TOX2: variants seen among roughly 807,000 people sequenced by gnomAD.
TOX2 encodes granulosa cell HMG box 1.
Under a neutral mutation model 47.4 loss-of-function variants are expected in TOX2, and 15 were observed. The ratio of observed to expected loss-of-function variants is 0.32; its 90% confidence interval spans 0.21 to 0.49. The LOEUF (loss-of-function observed/expected upper bound fraction) is 0.49. TOX2 is among the 20% of genes least tolerant of loss of function. The pLI is 0.99. For synonymous variants in TOX2, 290 were observed against 296.6 expected (o/e 0.98, Z 0.23); for missense variants, 622 against 673.1 (o/e 0.92, Z 0.84).
chr20:43,916,051 T>C lies in TOX2; in HGVS notation c.99+1061T>C, dbSNP rs568841343. 13 of 915,150 alleles carry C rather than the reference T, an allele frequency of 1.4e-5. No individual in the cohort carries two copies. Among genetic ancestry groups the C allele is most frequent in the Middle Eastern group, 1.1e-3 (2 of 1,764 alleles). 56.7% of individuals were successfully genotyped at this position (915,150 alleles called of 1,614,324 possible). ...CGGAGAGGGAACTTTCAAACTTAGT[T>C]AGGAAGCCAGACTGTCCGCGCGTCC... is the stretch of plus-strand genomic sequence containing the variant. On this transcript the variant is annotated intron_variant, in intron 1 of 8. Coordinates refer to ENST00000341197, the MANE Select transcript of TOX2 (RefSeq NM_001098797.2). The surrounding 1 kb of genome is among the most constrained non-coding windows in gnomAD (Gnocchi z 5.0).
intron 5 of TOX2, among the ~76,000 whole-genome samples, chr20:44,057,558 C>CA (rs1260658489): frequency 1.3e-5 from 2 of 151,472 alleles, no homozygotes; most frequent in East Asian, 3.9e-4. Context: ...AAAGTTCTTT[C>CA]AAATCATCAA....
chr20:43,930,866 C>T (rs1226493707), intron 1 of TOX2, among the ~76,000 whole-genome samples: 1 of 152,192 alleles, frequency 6.6e-6, no homozygotes, highest in East Asian at 1.9e-4. Context: ...GACACTTTGC[C>T]TTCTTAATAC....
At chr20:44,034,395 G>A (rs913249679) in intron 3 of TOX2, among the ~76,000 whole-genome samples, 4 of 152,200 alleles carry the variant, frequency 2.6e-5, no homozygotes, top group East Asian at 1.9e-4. Context: ...GCACTCCTGC[G>A]ATGGGGTGTT....
intron 3 of TOX2, among the ~76,000 whole-genome samples, chr20:44,039,484 G>A (rs1358591646): frequency 6.6e-6 from 1 of 152,168 alleles, no homozygotes; most frequent in African/African-American, 2.4e-5. Flanking sequence ...CTGGACTCAG[G>A]AGGCCATGCT....
At chr20:43,981,152 A>G (rs972296868) in intron 2 of TOX2, among the ~76,000 whole-genome samples, 5 of 152,246 alleles carry the variant, frequency 3.3e-5, no homozygotes, top group Non-Finnish European at 1.5e-5. Flanking sequence ...ACCAAAATCC[A>G]AAGGTTTGAT....
chr20:43,971,178 C>T (rs913231746), intron 1 of TOX2, among the ~76,000 whole-genome samples: 1 of 152,154 alleles, frequency 6.6e-6, no homozygotes, highest in African/African-American at 2.4e-5. Flanking sequence ...TATTGAGTAC[C>T]TTCTCTGTGC....
intron 3 of TOX2, among the ~76,000 whole-genome samples, chr20:44,031,499 A>G (rs1464156990): frequency 6.6e-6 from 1 of 152,066 alleles, no homozygotes; most frequent in African/African-American, 2.4e-5. Context: ...TCTGCGTGGC[A>G]AGGTCTGTGC....
rs960886541 is a variant in TOX2, at chr20:44,015,050, C to T, written c.411+8258C>T. Among the ~76,000 whole-genome samples, 18 of 152,102 alleles carry T rather than the reference C, an allele frequency of 1.2e-4. 1 individual carries two copies. Among genetic ancestry groups the T allele is most frequent in the African/African-American group, 4.3e-4 (18 of 41,404 alleles). ...CATCTTAGTCGAAGCAGGGGGTTAC[C>T]AGGGGCACCTCCGAGTTGGGCTTTT... On this transcript the variant is annotated intron_variant, in intron 3 of 8. Coordinates refer to ENST00000341197, the MANE Select transcript of TOX2 (RefSeq NM_001098797.2).
chr20:44,007,037 G>A (rs1402132288), intron 3 of TOX2, among the ~76,000 whole-genome samples: 2 of 152,140 alleles, frequency 1.3e-5, no homozygotes, highest in Admixed American at 6.5e-5. Flanking sequence ...CTGGAGCTCT[G>A]CGTACAGTAT....
chr20:44,026,248 T>TATATATATATATATATACACACACAC (rs750976068), intron 3 of TOX2, among the ~76,000 whole-genome samples: 8 of 67,724 alleles, frequency 1.2e-4, no homozygotes, highest in African/African-American at 5.8e-4. Context: ...TATATATATA[T>TATATATATATATATATACACACACAC]AGACACACAC....
At chr20:43,979,401 A>C (rs1027643243) in intron 2 of TOX2, among the ~76,000 whole-genome samples, 1 of 152,224 alleles carries the variant, frequency 6.6e-6, no homozygotes, top group African/African-American at 2.4e-5. Context: ...TTTGAGAAGT[A>C]GGAGGAGAAC....
At chr20:43,921,497 G>A (rs1374751906) in intron 1 of TOX2, among the ~76,000 whole-genome samples, 1 of 152,176 alleles carries the variant, frequency 6.6e-6, no homozygotes, top group African/African-American at 2.4e-5. Flanking sequence ...GAGCTTGAGG[G>A]TTGGAGACCA....
intron 5 of TOX2, among the ~76,000 whole-genome samples, chr20:44,060,615 A>C (rs924470856): frequency 3.3e-5 from 5 of 152,210 alleles, no homozygotes; most frequent in Non-Finnish European, 5.9e-5. Flanking sequence ...CCTCAAAACA[A>C]TGCAAATATA....
chr20:43,999,762 T>C (rs2070542851), intron 2 of TOX2, among the ~76,000 whole-genome samples: 1 of 152,194 alleles, frequency 6.6e-6, no homozygotes, highest in Non-Finnish European at 1.5e-5. Flanking sequence ...GGGGCCTGAA[T>C]AGCACCAGTA....
intron 2 of TOX2, among the ~76,000 whole-genome samples, chr20:43,974,310 G>T (rs1404544323): frequency 6.6e-6 from 1 of 152,004 alleles, no homozygotes; most frequent in Non-Finnish European, 1.5e-5. Context: ...GCCCCAGGGA[G>T]GGTCCTCACT....
At chr20:44,006,518 C>A in intron 2 of TOX2, 29 bp from the exon 3 acceptor site, 1 of 1,586,162 alleles carries the variant, frequency 6.3e-7, no homozygotes, top group South Asian at 1.2e-5. Flanking sequence ...GGCACTGACC[C>A]CCACCGACAT....
At chr20:43,965,201 A>C (rs2069828912) in intron 1 of TOX2, among the ~76,000 whole-genome samples, 1 of 152,168 alleles carries the variant, frequency 6.6e-6, no homozygotes, top group African/African-American at 2.4e-5. Flanking sequence ...CGTGGTGGAC[A>C]TGTGGCTATT....
chr20:43,927,191 CA>C (rs2069177909), intron 1 of TOX2, among the ~76,000 whole-genome samples: 1 of 152,146 alleles, frequency 6.6e-6, no homozygotes, highest in African/African-American at 2.4e-5. Flanking sequence ...ACTTACCAAT[CA>C]GGGGTCATTT....
chr20:43,927,458 A>AACACACACACACACACAC (rs34410581), intron 1 of TOX2, among the ~76,000 whole-genome samples: 5 of 131,382 alleles, frequency 3.8e-5, no homozygotes, highest in African/African-American at 1.1e-4. Flanking sequence ...TGATCTATAT[A>AACACACACACACACACAC]ACACACACAC....
Sources: allele counts gnomAD v4.1 joint callset (sites outside exome capture counted in the v4.1 genomes callset), GRCh38; gene constraint gnomAD v4.1.1; non-coding constraint Gnocchi (gnomAD v3.1); transcripts MANE v1.5; gene names NCBI Gene and HGNC (gene_info 2026-07-23, HGNC 2026-07-21).